Variants in ENPP3 observed in about 807,000 individuals in gnomAD.
ENPP3 encodes the protein ectonucleotide pyrophosphatase/phosphodiesterase family member 3.
Under a neutral mutation model 117.8 loss-of-function variants are expected in ENPP3, and 104 were observed. The ratio of observed to expected loss-of-function variants is 0.88; its 90% CI spans 0.75 to 1.04. ENPP3 has a LOEUF of 1.04. ENPP3 is among the 50% of genes least tolerant of loss of function. ENPP3 has a pLI of 0.00. For missense variants in ENPP3, 1,026 were observed against 1,051.9 expected (o/e 0.98, Z 0.34); for synonymous variants, 380 against 349.9 (o/e 1.09, Z -0.96).
intron 2 of ENPP3, among the ~76,000 whole-genome samples, chr6:131,647,869 G>A (rs996631878): frequency 6.6e-6 from 1 of 151,956 alleles, no homozygotes; most frequent in East Asian, 1.9e-4. Context: ...CCGTATAATA[G>A]CTATCATGTT....
At chr6:131,740,464 A>G in intron 24 of ENPP3, 84 bp downstream of exon 24, 1 of 1,118,942 alleles carries the variant, frequency 8.9e-7, no homozygotes, top group Non-Finnish European at 1.2e-6. Flanking sequence ...TCTGACTAAA[A>G]CATTTTTTTT....
chr6:131,639,873 TC>T (rs1367666465), intron 1 of ENPP3, among the ~76,000 whole-genome samples: 1 of 152,060 alleles, frequency 6.6e-6, no homozygotes, highest in Non-Finnish European at 1.5e-5. Flanking sequence ...GTGCCTATAA[TC>T]CCAGCACTTT....
chr6:131,691,814 G>C (rs535971263), intron 14 of ENPP3, among the ~76,000 whole-genome samples: 7 of 152,168 alleles, frequency 4.6e-5, no homozygotes, highest in South Asian at 2.1e-4. Flanking sequence ...GGGGGAAGCT[G>C]CATACTCAGC....
Sources: allele counts gnomAD v4.1 joint callset (sites outside exome capture counted in the v4.1 genomes callset), GRCh38; gene constraint gnomAD v4.1.1; transcripts MANE v1.5; gene names NCBI Gene and HGNC (gene_info 2026-07-23, HGNC 2026-07-21).